ST18: variants seen among roughly 807,000 people sequenced by gnomAD.
ST18 encodes the protein ST18 C2H2C-type zinc finger transcription factor, also known as suppression of tumorigenicity 18 protein.
In ST18, 50 loss-of-function variants were observed where a neutral mutation model predicts 110.0. That is an observed-to-expected ratio of 0.45 (90% CI 0.36 to 0.58). The LOEUF is 0.58. Among genes scored for constraint, ST18 ranks in the 20% least tolerant of loss-of-function variants. The pLI is 0.00. For missense variants in ST18, 1,306 were observed against 1,280.1 expected, an observed-to-expected ratio of 1.02 and a Z score of -0.31; for synonymous variants, 461 against 452.4, an observed-to-expected ratio of 1.02 and a Z score of -0.24.
intron 3 of ST18, among the ~76,000 whole-genome samples, chr8:52,226,818 G>T (rs1588893451): frequency 6.6e-6 from 1 of 152,100 alleles, no homozygotes; most frequent in African/African-American, 2.4e-5. Flanking sequence ...TATGTAAAGA[G>T]AATTTTCTCT....
chr8:52,384,935 G>T (rs973690631), intron 2 of ST18, among the ~76,000 whole-genome samples: 1 of 152,124 alleles, frequency 6.6e-6, no homozygotes, highest in Non-Finnish European at 1.5e-5. Context: ...TGGAGGATAT[G>T]AAAGAAATCG....
At chr8:52,168,326 G>A (rs1032388172) in intron 10 of ST18, among the ~76,000 whole-genome samples, 3 of 151,138 alleles carry the variant, frequency 2.0e-5, no homozygotes, top group Admixed American at 1.3e-4. Context: ...TGGGGCCTGC[G>A]TGCGAGGGTG....
intron 8 of ST18, among the ~76,000 whole-genome samples, chr8:52,197,394 C>G (rs1443340921): frequency 2.0e-5 from 3 of 152,186 alleles, no homozygotes; most frequent in Non-Finnish European, 4.4e-5. Flanking sequence ...CACAGCCTTA[C>G]TAATGAAAAC....
chr8:52,130,086 A>AGAG (rs2048660068), intron 22 of ST18, among the ~76,000 whole-genome samples: 1 of 120,818 alleles, frequency 8.3e-6, no homozygotes, highest in Non-Finnish European at 1.7e-5. Context: ...GAGAGAGAGA[A>AGAG]AGAAAGAAAA....
rs373516415 is a variant in ST18, at chr8:52,391,927, T to C, written c.-465+17401A>G. On this transcript the variant is annotated intron_variant, in intron 2 of 25. Coordinates refer to ENST00000689386, the MANE Select transcript of ST18 (RefSeq NM_001352837.2). ...AGGGAAGAAGGGCACTCCAAGTAGATGGAAGAGTAGAAACAAAGGTCTGGA... is the reference window on the plus strand; with the variant it reads ...AGGGAAGAAGGGCACTCCAAGTAGACGGAAGAGTAGAAACAAAGGTCTGGA... Among the ~76,000 whole-genome samples, 122 of 152,256 alleles carry C rather than the reference T, an allele frequency of 8.0e-4. No individual in the cohort carries two copies. In the Middle Eastern group the frequency reaches 0.027, roughly 34 times the overall value.
At chr8:52,375,866 G>A (rs1023098484) in intron 2 of ST18, among the ~76,000 whole-genome samples, 1 of 152,206 alleles carries the variant, frequency 6.6e-6, no homozygotes, top group Admixed American at 6.5e-5. Flanking sequence ...TCCACCCACA[G>A]CCTTTTCCAT....
intron 2 of ST18, among the ~76,000 whole-genome samples, chr8:52,270,448 G>A (rs1564378263): frequency 2.0e-5 from 3 of 152,068 alleles, no homozygotes; most frequent in Admixed American, 6.5e-5. Context: ...GAACACTCAC[G>A]ATCTTCCCTC....
intron 2 of ST18, among the ~76,000 whole-genome samples, chr8:52,358,763 T>A (rs1276618830): frequency 1.3e-5 from 2 of 151,938 alleles, no homozygotes; most frequent in African/African-American, 2.4e-5. Context: ...TGAATTGGCC[T>A]GGTGAATTCT....
At chr8:52,376,842 C>T (rs922798579) in intron 2 of ST18, among the ~76,000 whole-genome samples, 1 of 152,140 alleles carries the variant, frequency 6.6e-6, no homozygotes, top group Admixed American at 6.5e-5. Flanking sequence ...TACATGAATG[C>T]CTTTTGTTTC....
At chr8:52,188,969 C>T (rs1208493081) in intron 8 of ST18, among the ~76,000 whole-genome samples, 2 of 152,150 alleles carry the variant, frequency 1.3e-5, no homozygotes, top group Non-Finnish European at 2.9e-5. Flanking sequence ...GTTAAACTTG[C>T]AATGCCTACT....
intron 2 of ST18, chr8:52,405,540 A>G (rs966005165): frequency 2.6e-5 from 4 of 152,228 alleles, no homozygotes; most frequent in African/African-American, 9.6e-5. Flanking sequence ...CAAATTGATT[A>G]CTATTGTTTC....
chr8:52,387,707 C>T (rs1837403963), intron 2 of ST18, among the ~76,000 whole-genome samples: 1 of 151,998 alleles, frequency 6.6e-6, no homozygotes, highest in South Asian at 2.1e-4. Flanking sequence ...TAACAGTTAC[C>T]ATGACCCAAG....
In ST18 at chr8:52,391,994, A is replaced by G. The variant is rs377375168; in HGVS notation, c.-465+17334T>C. Among the ~76,000 whole-genome samples, 19 of 152,316 alleles carry G rather than the reference A, an allele frequency of 1.2e-4. No homozygotes were observed. In the East Asian group the frequency reaches 1.9e-3, roughly 16 times the overall value. The stretch of plus-strand genomic sequence containing the variant: ...CAGTATTCAAGGGGCAATAGTCCAC[A>G]TGTCTTTTTGAATTTTAGATCCATC... On this transcript the variant is annotated intron_variant, in intron 2 of 25. Coordinates refer to ENST00000689386, the MANE Select transcript of ST18 (RefSeq NM_001352837.2).
chr8:52,222,214 C>G (rs1426405828), intron 3 of ST18: 2 of 152,216 alleles, frequency 1.3e-5, no homozygotes, highest in Non-Finnish European at 2.9e-5. Flanking sequence ...TGTAAAGCCT[C>G]TGAGTTCCCT....
intron 17 of ST18, chr8:52,137,689 G>C: frequency 2.0e-6 from 1 of 497,974 alleles, no homozygotes. Context: ...AGCATGATGA[G>C]TTACTTCCTT....
intron 10 of ST18, among the ~76,000 whole-genome samples, chr8:52,167,803 G>A (rs1045310453): frequency 4.6e-5 from 7 of 152,128 alleles, no homozygotes; most frequent in South Asian, 2.1e-4. Flanking sequence ...TGGGGCCCAC[G>A]GGAGCAGCCG....
Position 52,149,797 on chromosome 8 carries a change from G to C in ST18, c.1987C>G (p.Gln663Glu), listed in dbSNP as rs371534307. 6 of 1,614,140 alleles carry C rather than the reference G, an allele frequency of 3.7e-6. No individual in the cohort carries two copies. The highest frequency in any genetic ancestry group is 5.1e-6 in the Non-Finnish European group (6 of 1,180,010). Reference sequence around the variant, plus strand: ...TTGATAGGAGTGTCCCAGCCCTCTTGGTCACAAAGAGCCTGATAGAATGCT... The same window carrying C: ...TTGATAGGAGTGTCCCAGCCCTCTTCGTCACAAAGAGCCTGATAGAATGCT... ...NAAFYQALCD[Q>E]EGWDTPINYS... Residue 663 changes from glutamine (Q) to glutamate (E), a missense_variant, in exon 16 of 26, where the codon CAA (glutamine) becomes GAA (glutamate). Physicochemically the swap from Gln to Glu is conservative, Grantham distance 29. Transcript: ENST00000689386.
chr8:52,269,777 G>A (rs1267393272), intron 2 of ST18, among the ~76,000 whole-genome samples: 1 of 152,180 alleles, frequency 6.6e-6, no homozygotes, highest in Non-Finnish European at 1.5e-5. Flanking sequence ...TTTTACAGAT[G>A]AGGAAGTTGA....
chr8:52,349,519 T>C (rs1158575610), intron 2 of ST18, among the ~76,000 whole-genome samples: 2 of 152,194 alleles, frequency 1.3e-5, no homozygotes, highest in Non-Finnish European at 2.9e-5. Context: ...CTCCATATTA[T>C]AGGGTAATGC....
Sources: gnomAD v4.1 joint callset for allele counts (sites outside exome capture counted in the v4.1 genomes callset) on GRCh38, gnomAD v4.1.1 for gene constraint, MANE v1.5 for transcripts, NCBI Gene and HGNC (gene_info 2026-07-23, HGNC 2026-07-21) for gene names.